FRMPD4: variants seen among roughly 807,000 people sequenced by gnomAD.
FRMPD4 encodes the protein FERM and PDZ domain containing 4.
In FRMPD4, 22 loss-of-function variants were observed where a neutral mutation model predicts 94.1. The observed-to-expected ratio is 0.23, with a 90% CI of 0.17 to 0.33. FRMPD4 has a LOEUF of 0.33. FRMPD4 is among the 10% of genes least tolerant of loss of function. The pLI is 1.00. For synonymous variants in FRMPD4, 631 were observed against 548.6 expected (o/e 1.15, Z -2.10); for missense variants, 1,111 against 1,339.9 (o/e 0.83, Z 2.67).
intron 1 of FRMPD4, among the ~76,000 whole-genome samples, chrX:12,324,568 G>A (rs745932466): frequency 9.0e-6 from 1 of 111,673 alleles, no homozygotes; most frequent in African/African-American, 3.2e-5. Flanking sequence ...CAACTGAAGT[G>A]CAATTTGAAA....
intron 1 of FRMPD4, among the ~76,000 whole-genome samples, chrX:12,366,736 G>A (rs6530507): frequency 0.33 from 36,241 of 111,068 alleles, 5,530 homozygotes; most frequent in African/African-American, 0.6. Flanking sequence ...ATTGGATCCA[G>A]TGACACACGG....
At chrX:12,706,580 T>C (rs4618892) in intron 11 of FRMPD4, among the ~76,000 whole-genome samples, 34,476 of 110,650 alleles carry the variant, frequency 0.31, 3,996 homozygotes, top group African/African-American at 0.4. Context: ...AGCATATCTA[T>C]ACCCATGAGT....
rs797045589 is a variant in FRMPD4, at chrX:12,716,613, C to T, written c.2154C>T (p.Asn718=). 1 of 1,209,687 alleles carries T rather than the reference C, an allele frequency of 8.3e-7. No individual in the cohort carries two copies. The change falls in exon 15 of 17, where the codon AAC becomes AAT. Residue 718 remains asparagine, a synonymous_variant. Coordinates refer to ENST00000675598, the MANE Select transcript of FRMPD4 (RefSeq NM_001368397.1). ...IQFVENSVYA[N]IGDVKSFQAA... is the part of the protein sequence containing the mutation. ...TTGTGGAAAATTCTGTTTATGCAAA[C>T]ATAGGCGATGTGAAGAGCTTCCAGG...
chrX:12,397,606 A>G (rs983808373), intron 1 of FRMPD4, among the ~76,000 whole-genome samples: 5 of 111,849 alleles, frequency 4.5e-5, no homozygotes, highest in Non-Finnish European at 9.4e-5. Flanking sequence ...TTAAGTACTT[A>G]AGTGCTTTGG....
chrX:12,386,906 A>G (rs1316118562), intron 1 of FRMPD4, among the ~76,000 whole-genome samples: 1 of 111,773 alleles, frequency 8.9e-6, no homozygotes, highest in South Asian at 3.8e-4. Flanking sequence ...ATTACGGACA[A>G]TTTGTTTTTT....
chrX:12,220,185 A>C (rs988595264), intron 1 of FRMPD4, among the ~76,000 whole-genome samples: 2 of 110,700 alleles, frequency 1.8e-5, no homozygotes, highest in African/African-American at 6.7e-5. Context: ...AACAACACAA[A>C]AAAACAAAAA....
In FRMPD4 at chrX:12,197,881, ATTGAATAACTTT is replaced by A. The variant is rs749403751; in HGVS notation, c.41+58871_41+58882del. Among the ~76,000 whole-genome samples the A allele has an allele frequency of 9.8e-5, 11 of 112,081 alleles. No individual in the cohort carries two copies. The South Asian group carries it at 4.0e-3, about 41-fold the overall frequency. On this transcript the variant is annotated intron_variant, in intron 1 of 16. Coordinates refer to ENST00000675598, the MANE Select transcript of FRMPD4 (RefSeq NM_001368397.1). ...AGTTATCTGACAAACGCTTCCAAGT[ATTGAATAACTTT>A]TATAAAGCTGTTTTAAACATATAGA...
chrX:12,666,176 A>G (rs2059776600), intron 4 of FRMPD4, among the ~76,000 whole-genome samples: 1 of 111,697 alleles, frequency 9.0e-6, no homozygotes, highest in African/African-American at 3.3e-5. Context: ...ATCAAAAAAG[A>G]CAAAGAAGAG....
chrX:12,645,513 G>A (rs1423020483), intron 4 of FRMPD4, among the ~76,000 whole-genome samples: 1 of 108,308 alleles, frequency 9.2e-6, no homozygotes. Context: ...GCACCACCAC[G>A]CCCGACTAAT....
At chrX:12,315,879 AG>A (rs981746574) in intron 1 of FRMPD4, among the ~76,000 whole-genome samples, 4 of 111,539 alleles carry the variant, frequency 3.6e-5, no homozygotes. Context: ...GGTTCTCAAC[AG>A]GGGGTAGGGG....
intron 3 of FRMPD4, among the ~76,000 whole-genome samples, chrX:11,959,631 C>G (rs1034310584): frequency 9.0e-6 from 1 of 111,431 alleles, no homozygotes; most frequent in Admixed American, 9.5e-5. Flanking sequence ...GGACAGCAGT[C>G]AGGTGGTTGG....
chrX:12,044,102 C>A (rs2054772865), intron 3 of FRMPD4, among the ~76,000 whole-genome samples: 1 of 111,713 alleles, frequency 9.0e-6, no homozygotes, highest in Admixed American at 9.5e-5. Context: ...ATCCATAGCT[C>A]TTAAATCTTT....
chrX:12,238,431 G>A (rs1365357596), intron 1 of FRMPD4, among the ~76,000 whole-genome samples: 4 of 111,713 alleles, frequency 3.6e-5, no homozygotes, highest in Non-Finnish European at 5.6e-5. Context: ...GAGCCACCGC[G>A]TCCAGCCCTG....
intron 1 of FRMPD4, among the ~76,000 whole-genome samples, chrX:12,191,661 G>A (rs1011085306): frequency 2.9e-4 from 32 of 110,905 alleles, no homozygotes; most frequent in Non-Finnish European, 5.1e-4. Flanking sequence ...AATACTGTGT[G>A]ATTTCAACTG....
chrX:12,052,422 G>T (rs765125686), intron 3 of FRMPD4, among the ~76,000 whole-genome samples: 36 of 112,447 alleles, frequency 3.2e-4, no homozygotes, highest in Non-Finnish European at 6.2e-4. Flanking sequence ...TCAGAAGGGA[G>T]TAGGGAAGAG....
intron 2 of FRMPD4, among the ~76,000 whole-genome samples, chrX:12,503,078 G>A (rs1029534979): frequency 8.9e-6 from 1 of 112,180 alleles, no homozygotes; most frequent in African/African-American, 3.2e-5. Context: ...AAAGTAACAT[G>A]ATTCATAAAT....
chrX:12,059,993 T>C (rs2054875957), intron 3 of FRMPD4, among the ~76,000 whole-genome samples: 1 of 111,723 alleles, frequency 9.0e-6, no homozygotes, highest in African/African-American at 3.3e-5. Flanking sequence ...AAAGGGGTTC[T>C]GGTTTCTATG....
upstream of FRMPD4, among the ~76,000 whole-genome samples, chrX:12,134,044 G>A (rs1055762354): frequency 1.1e-4 from 12 of 111,778 alleles, no homozygotes; most frequent in African/African-American, 3.9e-4. Context: ...TACAATCATC[G>A]TTCCTGCCTC....
At chrX:12,026,095 C>G (rs1287231661) in intron 3 of FRMPD4, among the ~76,000 whole-genome samples, 1 of 111,360 alleles carries the variant, frequency 9.0e-6, no homozygotes, top group African/African-American at 3.3e-5. Flanking sequence ...TCTTTCTTGA[C>G]TCATGCCTCT....
Sources: allele counts gnomAD v4.1 joint callset (sites outside exome capture counted in the v4.1 genomes callset), GRCh38; gene constraint gnomAD v4.1.1; transcripts MANE v1.5; gene names NCBI Gene and HGNC (gene_info 2026-07-23, HGNC 2026-07-21).